Variants in GREM1 observed in about 807,000 individuals in gnomAD.
The protein encoded by GREM1 is gremlin-1.
A neutral mutation model predicts 13.1 loss-of-function variants in GREM1; 6 were observed. The ratio of observed to expected loss-of-function variants is 0.46; its 90% CI spans 0.25 to 0.91. The LOEUF is 0.91. Ranked by LOEUF, GREM1 falls within the 40% of genes least tolerant of loss-of-function variation. The pLI is 0.18. For synonymous variants in GREM1, 98 were observed against 93.7 expected (o/e 1.05, Z -0.27); for missense variants, 185 against 233.9 (o/e 0.79, Z 1.36).
chr15:32,724,419 T>C (rs1235338717), intron 1 of GREM1, among the ~76,000 whole-genome samples: 1 of 152,240 alleles, frequency 6.6e-6, no homozygotes, highest in Non-Finnish European at 1.5e-5. Flanking sequence ...GGCCATCCCA[T>C]GTACTCCTCC....
chr15:32,722,999 A>G (rs1231996935), intron 1 of GREM1, among the ~76,000 whole-genome samples: 1 of 152,198 alleles, frequency 6.6e-6, no homozygotes, highest in Non-Finnish European at 1.5e-5. Flanking sequence ...AGCTTAATTT[A>G]ATTTAGTGAT....
Position 32,738,125 on chromosome 15 carries a change from A to AAAAAAAAAAAAAAAAAAAAAAAAAAAC in GREM1, c.*6888_*6889insAAAAAAAAAAAAAAAAAACAAAAAAAA. 8 of 27,984 alleles carry AAAAAAAAAAAAAAAAAAAAAAAAAAAC rather than the reference A, an allele frequency of 2.9e-4. 2 individuals are homozygous for AAAAAAAAAAAAAAAAAAAAAAAAAAAC. The East Asian group carries it at 7.7e-3, about 27-fold the overall frequency. The allele number at this position is 27,984 out of a possible 1,614,324, so 1.7% of individuals were successfully genotyped here. On this transcript the variant is annotated 3_prime_UTR_variant, in exon 2 of 2. Coordinates refer to ENST00000651154, the MANE Select transcript of GREM1 (RefSeq NM_013372.7). The stretch of plus-strand genomic sequence containing the variant: ...AAAAAAAAAAAAAAAAAAAAAAAAA[A>AAAAAAAAAAAAAAAAAAAAAAAAAAAC]AAAAAAAAGAAAAGAAAAAAGTCAT...
rs766985966 is a variant in GREM1, at chr15:32,726,708, CTG to C, written c.-1-3980_-1-3979del. On this transcript the variant is annotated intron_variant, in intron 1 of 1. Coordinates refer to ENST00000651154, the MANE Select transcript of GREM1 (RefSeq NM_013372.7). ...TTCAAAAAATCAATGAACCCAGGAG[CTG>C]TTTTTTTTTTTTTTTTGAAAAGATT... Among the ~76,000 whole-genome samples the C allele has an allele frequency of 1.0e-4, 3 of 28,808 alleles. No homozygotes were observed. In the Admixed American group the frequency reaches 2.0e-3, roughly 19 times the overall value. The allele number at this position is 28,808 out of a possible 152,430, so 18.9% of individuals were successfully genotyped here. A position where few individuals can be genotyped will look rare whatever the true frequency, so the allele number is the denominator to read the frequency against.
intron 1 of GREM1, chr15:32,718,567 G>A (rs1374020243): frequency 2.3e-6 from 1 of 433,456 alleles, no homozygotes; most frequent in East Asian, 7.0e-5. Context: ...CGCTGACTGC[G>A]CGGCGAGTTG....
At position 32,733,586 on chromosome 15, in the gene GREM1, A is replaced by T. The variant is rs1255094986; in HGVS notation, c.*2341A>T. The stretch of plus-strand genomic sequence containing the variant: ...TACCCTAAAAGCATATCACTAGCCA[A>T]AGAGGGAAATATCTGTTCTTCTTAC... On this transcript the variant is annotated 3_prime_UTR_variant, in exon 2 of 2. Coordinates refer to ENST00000651154, the MANE Select transcript of GREM1 (RefSeq NM_013372.7). 8.6e-6 allele frequency: 2 copies of T among 231,884 alleles called. No homozygotes were observed. Among genetic ancestry groups the T allele is most frequent in the Non-Finnish European group, 1.9e-5 (2 of 107,864 alleles). 14.4% of individuals were successfully genotyped at this position (231,884 alleles called of 1,614,324 possible). A position where few individuals can be genotyped will look rare whatever the true frequency, so the allele number is the denominator to read the frequency against.
chr15:32,727,396 CAT>C (rs2055530419), intron 1 of GREM1, among the ~76,000 whole-genome samples: 1 of 152,326 alleles, frequency 6.6e-6, no homozygotes, highest in East Asian at 1.9e-4. Context: ...ACAAAAACCA[CAT>C]GATTATCTCA....
intron 1 of GREM1, among the ~76,000 whole-genome samples, chr15:32,723,552 G>A (rs947135125): frequency 1.3e-5 from 2 of 150,948 alleles, no homozygotes; most frequent in African/African-American, 4.9e-5. Context: ...TGAAGAATAG[G>A]TTTTTAAAAA....
rs67118209 is a variant in GREM1, at chr15:32,738,083, CAAAAAAAAA to C, written c.*6880_*6888del. The C allele has an allele frequency of 3.7e-4, 7 of 18,928 alleles. No homozygotes were observed. The highest frequency in any genetic ancestry group is 8.2e-3 in the East Asian group (1 of 122). The allele number at this position is 18,928 out of a possible 1,614,324, so 1.2% of individuals were successfully genotyped here. A position where few individuals can be genotyped will look rare whatever the true frequency, so the allele number is the denominator to read the frequency against. On this transcript the variant is annotated 3_prime_UTR_variant, in exon 2 of 2. Transcript: ENST00000651154. ...GGAGGTTCTACCTAGGGTAATTAGGCAAAAAAAAAAAAAAAAAAAAAAAAAAAAAAAAAA... is the reference window on the plus strand; with the variant it reads ...GGAGGTTCTACCTAGGGTAATTAGGCAAAAAAAAAAAAAAAAAAAAAAAAA...
rs775753186 is a variant in GREM1, at chr15:32,730,942, G to A, written c.252G>A (p.Thr84=). The change falls in exon 2 of 2, where the codon ACG becomes ACA. Residue 84 remains threonine, a synonymous_variant. Coordinates refer to ENST00000651154, the MANE Select transcript of GREM1 (RefSeq NM_013372.7). The part of the protein sequence containing the change: ...LESSQEALHV[T]ERKYLKRDWC... The stretch of plus-strand genomic sequence containing the variant: ...CCAGCCAAGAGGCCCTGCATGTGAC[G>A]GAGCGCAAATACCTGAAGCGAGACT... 7 of 1,613,958 alleles carry A rather than the reference G, an allele frequency of 4.3e-6. No homozygotes were observed. Among genetic ancestry groups the A allele is most frequent in the African/African-American group, 4.0e-5 (3 of 74,912 alleles).
chr15:32,730,371 T>C (rs2055594286), intron 1 of GREM1, among the ~76,000 whole-genome samples: 1 of 152,112 alleles, frequency 6.6e-6, no homozygotes, highest in Admixed American at 6.5e-5. Context: ...TAAGTGAACG[T>C]AATACAAAGA....
chr15:32,729,403 TGCACTCTCC>T, intron 1 of GREM1, among the ~76,000 whole-genome samples: 1 of 152,120 alleles, frequency 6.6e-6, no homozygotes, highest in Non-Finnish European at 1.5e-5. Context: ...GCTTCTCTCT[TGCACTCTCC>T]TTTTTAAAAA....
chr15:32,731,578 T>A lies in GREM1; in HGVS notation c.*333T>A. The A allele has an allele frequency of 2.8e-6, 1 of 361,738 alleles. No homozygotes were observed. Among genetic ancestry groups the A allele is most frequent in the Non-Finnish European group, 5.2e-6 (1 of 191,862 alleles). The allele number at this position is 361,738 out of a possible 1,614,324, so 22.4% of individuals were successfully genotyped here. On this transcript the variant is annotated 3_prime_UTR_variant, in exon 2 of 2. Coordinates refer to ENST00000651154, the MANE Select transcript of GREM1 (RefSeq NM_013372.7). Reference sequence around the variant, plus strand: ...TGGTCTGGTTCTGACTTTGTGTTTTTGTGCCCTCCTGGGGACCAGAATCTC... The same window carrying A: ...TGGTCTGGTTCTGACTTTGTGTTTTAGTGCCCTCCTGGGGACCAGAATCTC...
At chr15:32,722,287 T>C (rs1227577143) in intron 1 of GREM1, among the ~76,000 whole-genome samples, 1 of 152,252 alleles carries the variant, frequency 6.6e-6, no homozygotes, top group Non-Finnish European at 1.5e-5. Context: ...TCACTTCCAC[T>C]ATTTCTTATG....
intron 1 of GREM1, among the ~76,000 whole-genome samples, chr15:32,721,322 T>C (rs540883611): frequency 6.6e-6 from 1 of 152,164 alleles, no homozygotes; most frequent in African/African-American, 2.4e-5. Flanking sequence ...AATGATAAAA[T>C]TGGGTCAGAA....
Position 32,734,435 on chromosome 15 carries a change from AT to A in GREM1, c.*3191del. Reference sequence around the variant, plus strand: ...CTATTGACATTCCTCAAGATATTTAATATCAACTGCATTATGTATTATGTCT... The same window carrying A: ...CTATTGACATTCCTCAAGATATTTAAATCAACTGCATTATGTATTATGTCT... On this transcript the variant is annotated 3_prime_UTR_variant, in exon 2 of 2. Coordinates refer to ENST00000651154, the MANE Select transcript of GREM1 (RefSeq NM_013372.7). The A allele has an allele frequency of 4.1e-6, 1 of 246,596 alleles. No homozygotes were observed. Among genetic ancestry groups the A allele is most frequent in the Non-Finnish European group, 8.5e-6 (1 of 117,208 alleles). 15.3% of individuals were successfully genotyped at this position (246,596 alleles called of 1,614,324 possible).
rs1170024233 is a variant in GREM1, at chr15:32,735,863, A to G, written c.*4618A>G. The G allele has an allele frequency of 4.6e-5, 7 of 152,072 alleles. No homozygotes were observed. The highest frequency in any genetic ancestry group is 4.6e-4 in the Admixed American group (7 of 15,278). The allele number at this position is 152,072 out of a possible 1,614,324, so 9.4% of individuals were successfully genotyped here. A position where few individuals can be genotyped will look rare whatever the true frequency, so the allele number is the denominator to read the frequency against. ...CAAAGAGTCTCTCCTCCATAAAACT[A>G]ATGAGAATGTGACAAAAATAGATTC... On this transcript the variant is annotated 3_prime_UTR_variant, in exon 2 of 2. Coordinates refer to ENST00000651154, the MANE Select transcript of GREM1 (RefSeq NM_013372.7).
In GREM1 at chr15:32,741,917, C is replaced by T. The variant is rs1198109871; in HGVS notation, c.*10672C>T. The T allele has an allele frequency of 6.6e-6, 1 of 152,192 alleles. No individual in the cohort carries two copies. The highest frequency in any genetic ancestry group is 2.4e-5 in the African/African-American group (1 of 41,552). 9.4% of individuals were successfully genotyped at this position (152,192 alleles called of 1,614,324 possible). On this transcript the variant is annotated 3_prime_UTR_variant, in exon 2 of 2. Transcript: ENST00000651154. ...TTAAATTTTGTCAAAACCTTTTTTA[C>T]ATCCATCAAATGATTATGTAATTTT...
At position 32,735,768 on chromosome 15, in the gene GREM1, C is replaced by G; in HGVS notation, c.*4523C>G. 1.4e-5 allele frequency: 1 copy of G among 71,114 alleles called. No individual in the cohort carries two copies. The highest frequency in any genetic ancestry group is 5.9e-4 in the South Asian group (1 of 1,692). The allele number at this position is 71,114 out of a possible 1,614,324, so 4.4% of individuals were successfully genotyped here. A position where few individuals can be genotyped will look rare whatever the true frequency, so the allele number is the denominator to read the frequency against. On this transcript the variant is annotated 3_prime_UTR_variant, in exon 2 of 2. Transcript: ENST00000651154. The stretch of plus-strand genomic sequence containing the variant: ...ACTTGACACGGAAGAGCATTTCAAG[C>G]TTAAGAAAAAAAAAAAAAAGAAGAA...
intron 1 of GREM1, among the ~76,000 whole-genome samples, 159 bp from the exon 2 acceptor site, chr15:32,730,531 T>C (rs766903322): frequency 5.9e-5 from 9 of 152,192 alleles, no homozygotes; most frequent in African/African-American, 9.7e-5. Flanking sequence ...GTCATGGAGA[T>C]AATAGTACCT....
Sources: allele counts gnomAD v4.1 joint callset (sites outside exome capture counted in the v4.1 genomes callset), GRCh38; gene constraint gnomAD v4.1.1; transcripts MANE v1.5; gene names NCBI Gene and HGNC (gene_info 2026-07-23, HGNC 2026-07-21).